Variants in FAM81B observed in about 807,000 individuals in gnomAD.
FAM81B encodes the protein family with sequence similarity 81 member B.
FAM81B carries 60 observed loss-of-function variants against 58.7 expected under a neutral mutation model. The ratio of observed to expected loss-of-function variants is 1.02; its 90% CI spans 0.83 to 1.27. The LOEUF is 1.27. Among genes scored for constraint, FAM81B ranks in the 50% most tolerant of loss-of-function variants. The pLI, the probability that FAM81B is intolerant of heterozygous loss-of-function variation, is 0.00. For synonymous variants in FAM81B, 189 were observed against 179.6 expected, an observed-to-expected ratio of 1.05 and a Z score of -0.42; for missense variants, 491 against 522.0, an observed-to-expected ratio of 0.94 and a Z score of 0.58.
intron 4 of FAM81B, among the ~76,000 whole-genome samples, chr5:95,417,858 A>G (rs1762577659): frequency 6.6e-6 from 1 of 152,198 alleles, no homozygotes. Flanking sequence ...CCTTGGCAAT[A>G]GTATATGTTA....
intron 2 of FAM81B, among the ~76,000 whole-genome samples, chr5:95,395,867 C>T (rs1761952110): frequency 6.6e-6 from 1 of 152,058 alleles, no homozygotes; most frequent in South Asian, 2.1e-4. Flanking sequence ...TTGACTTTTC[C>T]AAAAAGGTTT....
intron 7 of FAM81B, among the ~76,000 whole-genome samples, chr5:95,438,206 A>G (rs2152769077): frequency 6.6e-6 from 1 of 152,346 alleles, no homozygotes; most frequent in African/African-American, 2.4e-5. Flanking sequence ...CATGTTCTTC[A>G]TAGTCTAAGA....
chr5:95,431,678 A>T (rs1473675769), intron 6 of FAM81B, among the ~76,000 whole-genome samples: 1 of 151,882 alleles, frequency 6.6e-6, no homozygotes, highest in Non-Finnish European at 1.5e-5. Flanking sequence ...ATTTGGCATA[A>T]TTTCTTATTA....
chr5:95,407,315 A>C (rs1762276543), intron 3 of FAM81B, among the ~76,000 whole-genome samples: 1 of 139,980 alleles, frequency 7.1e-6, no homozygotes, highest in African/African-American at 2.7e-5. Context: ...AGCTCAGGCA[A>C]TCTCATTTTC....
chr5:95,433,548 T>A (rs1744992200), intron 6 of FAM81B, among the ~76,000 whole-genome samples: 2 of 152,210 alleles, frequency 1.3e-5, no homozygotes, highest in Admixed American at 1.3e-4. Flanking sequence ...TTTTGTTTTG[T>A]TATGCTGGTA....
At position 95,391,399 on chromosome 5, in the gene FAM81B, C is replaced by T. The variant is rs1761810745; in HGVS notation, c.10C>T (p.Gln4Ter). The change falls in exon 1 of 10, where the codon CAA (glutamine) becomes TAA (stop). Residue 4 changes from glutamine to a stop codon, truncating the protein, a stop_gained. Coordinates refer to ENST00000283357, the MANE Select transcript of FAM81B (RefSeq NM_152548.3). LOFTEE classifies it high-confidence loss of function. The part of the protein sequence containing the change: MQL[Q>*]FLGTLASSEK... ...GAAGACCTTAGTTAGGATGCAATTA[C>T]AATTCCTTGGTACATTGGCTTCCTC... The T allele has an allele frequency of 6.2e-7, 1 of 1,612,948 alleles. No individual in the cohort carries two copies. Among genetic ancestry groups the T allele is most frequent in the Middle Eastern group, 1.7e-4 (1 of 6,056 alleles).
chr5:95,417,051 A>G (rs563211978), intron 4 of FAM81B, among the ~76,000 whole-genome samples: 11 of 152,220 alleles, frequency 7.2e-5, no homozygotes, highest in Non-Finnish European at 1.5e-4. Flanking sequence ...AAATAAAAAT[A>G]ATTTAAGAAA....
At chr5:95,445,389 A>G (rs1745517947) in intron 7 of FAM81B, among the ~76,000 whole-genome samples, 1 of 152,150 alleles carries the variant, frequency 6.6e-6, no homozygotes. Context: ...CAGAAAACAC[A>G]CACAGAAACC....
intron 7 of FAM81B, among the ~76,000 whole-genome samples, chr5:95,442,489 AC>A (rs1205870332): frequency 6.6e-6 from 1 of 152,228 alleles, no homozygotes; most frequent in Non-Finnish European, 1.5e-5. Context: ...CCAAAATCAC[AC>A]AGCTAGAAAG....
Position 95,428,500 on chromosome 5 carries a change from T to C in FAM81B, c.657-103T>C, listed in dbSNP as rs1192742979. The C allele has an allele frequency of 1.6e-5, 23 of 1,400,048 alleles. No homozygotes were observed. The East Asian group carries it at 5.1e-4, about 31-fold the overall frequency. The allele number at this position is 1,400,048 out of a possible 1,614,324, so 86.7% of individuals were successfully genotyped here. On this transcript the variant is annotated intron_variant, in intron 5 of 9. Coordinates refer to ENST00000283357, the MANE Select transcript of FAM81B (RefSeq NM_152548.3). The stretch of plus-strand genomic sequence containing the variant: ...TATATCTACCAACTCATTCTTCAAA[T>C]GACTTTAGAACTTTGGCCATCAAAT...
chr5:95,415,356 G>A (rs1307563918), intron 4 of FAM81B, among the ~76,000 whole-genome samples: 1 of 152,152 alleles, frequency 6.6e-6, no homozygotes, highest in Admixed American at 6.5e-5. Flanking sequence ...GATTGAACCA[G>A]CAATTACTCC....
At chr5:95,404,008 AAAC>A (rs1268662361) in intron 3 of FAM81B, among the ~76,000 whole-genome samples, 1 of 152,184 alleles carries the variant, frequency 6.6e-6, no homozygotes, top group African/African-American at 2.4e-5. Context: ...ATCTAGGAGA[AAAC>A]AATTTCTAAA....
intron 3 of FAM81B, among the ~76,000 whole-genome samples, chr5:95,397,935 C>T (rs1192330180): frequency 6.6e-6 from 1 of 152,102 alleles, no homozygotes. Flanking sequence ...ACTGAATACA[C>T]TTGATGAACT....
chr5:95,405,753 G>A (rs897330395), intron 3 of FAM81B, among the ~76,000 whole-genome samples: 2 of 152,098 alleles, frequency 1.3e-5, no homozygotes, highest in Non-Finnish European at 2.9e-5. Context: ...CCAGGGGTGG[G>A]GTGTGGATGA....
At chr5:95,435,478 C>G (rs1411652448) in intron 6 of FAM81B, among the ~76,000 whole-genome samples, 3 of 152,032 alleles carry the variant, frequency 2.0e-5, no homozygotes, top group Admixed American at 1.3e-4. Context: ...ATGCTGTTTC[C>G]AAGTTACATG....
intron 8 of FAM81B, among the ~76,000 whole-genome samples, chr5:95,447,399 T>C (rs916466311): frequency 7.2e-5 from 11 of 152,206 alleles, no homozygotes; most frequent in Admixed American, 6.5e-4. Flanking sequence ...CTGATAGAGT[T>C]ACAAAGGAGC....
At chr5:95,431,431 C>T (rs1007723126) in intron 6 of FAM81B, among the ~76,000 whole-genome samples, 1 of 151,768 alleles carries the variant, frequency 6.6e-6, no homozygotes, top group Non-Finnish European at 1.5e-5. Context: ...TTTTCAGTTT[C>T]CTGGTATAAT....
intron 7 of FAM81B, among the ~76,000 whole-genome samples, chr5:95,445,847 C>T (rs1745536868): frequency 6.6e-6 from 1 of 152,138 alleles, no homozygotes. Flanking sequence ...ACCTTTCTCT[C>T]CTCTGCTAGA....
At chr5:95,394,968 A>G (rs929472052) in intron 2 of FAM81B, among the ~76,000 whole-genome samples, 1 of 152,198 alleles carries the variant, frequency 6.6e-6, no homozygotes, top group Non-Finnish European at 1.5e-5. Context: ...TCTGCCCACC[A>G]TTATAGTACA....
Sources: allele counts gnomAD v4.1 joint callset (sites outside exome capture counted in the v4.1 genomes callset), GRCh38; gene constraint gnomAD v4.1.1; transcripts MANE v1.5; gene names NCBI Gene and HGNC (gene_info 2026-07-23, HGNC 2026-07-21).